The following DYNC2H1 variants were observed in gnomAD, a reference collection of about 807,000 sequenced individuals.
The protein encoded by DYNC2H1 is cytoplasmic dynein 2 heavy chain 1.
DYNC2H1 carries 410 observed loss-of-function variants against 570.0 expected under a neutral mutation model. The ratio of observed to expected loss-of-function variants is 0.72; its 90% CI spans 0.66 to 0.78. The LOEUF is 0.78. DYNC2H1 is among the 30% of genes least tolerant of loss of function. The pLI is 0.00. For synonymous variants in DYNC2H1, 1,688 were observed against 1,677.6 expected, an observed-to-expected ratio of 1.01 and a Z score of -0.15; for missense variants, 4,865 against 5,046.4, an observed-to-expected ratio of 0.96 and a Z score of 1.09.
Position 103,280,167 on chromosome 11 carries a change from C to T in DYNC2H1, c.10696-181C>T, listed in dbSNP as rs540998206. ...TGATCACTTACTTACTCTGACCCCACCCCTGACTTGAAGTGTCTCTAAGAT... is the reference window on the plus strand; with the variant it reads ...TGATCACTTACTTACTCTGACCCCATCCCTGACTTGAAGTGTCTCTAAGAT... On this transcript the variant is annotated intron_variant, in intron 70 of 88. Coordinates refer to ENST00000375735, the MANE Select transcript of DYNC2H1 (RefSeq NM_001377.3). The surrounding 1 kb of genome is among the most constrained non-coding windows in gnomAD (Gnocchi z 4.7). Among the ~76,000 whole-genome samples the T allele has an allele frequency of 1.3e-5, 2 of 152,234 alleles. No homozygotes were observed. The highest frequency in any genetic ancestry group is 6.5e-5 in the Admixed American group (1 of 15,286).
chr11:103,396,355 C>G (rs1565560827), intron 83 of DYNC2H1, among the ~76,000 whole-genome samples: 1 of 152,120 alleles, frequency 6.6e-6, no homozygotes, highest in Non-Finnish European at 1.5e-5. Flanking sequence ...CCAGTCATAC[C>G]TATTTGTTTA....
At chr11:103,121,523 G>C (rs1278926247) in intron 10 of DYNC2H1, 27 bp downstream of exon 10, 37 of 1,601,318 alleles carry the variant, frequency 2.3e-5, no homozygotes, top group Non-Finnish European at 3.2e-5. Flanking sequence ...AAGATGAAGA[G>C]TACTAATTAT....
chr11:103,390,508 G>A (rs372747366), intron 83 of DYNC2H1, among the ~76,000 whole-genome samples: 3 of 152,050 alleles, frequency 2.0e-5, no homozygotes, highest in Non-Finnish European at 2.9e-5. Context: ...TTTAAGGTTA[G>A]TATTGTTATG....
chr11:103,441,816 TA>T, intron 85 of DYNC2H1, among the ~76,000 whole-genome samples: 1 of 152,312 alleles, frequency 6.6e-6, no homozygotes, highest in African/African-American at 2.4e-5. Context: ...ATCTCAAATG[TA>T]AAAAGCAATT....
intron 83 of DYNC2H1, among the ~76,000 whole-genome samples, chr11:103,376,964 C>G (rs554415225): frequency 1.3e-5 from 2 of 152,294 alleles, no homozygotes; most frequent in South Asian, 4.1e-4. Flanking sequence ...CTCTCCTGAC[C>G]TGCAAGGTTT....
At chr11:103,274,116 ATTTG>A (rs947108991) in intron 70 of DYNC2H1, among the ~76,000 whole-genome samples, 4 of 150,848 alleles carry the variant, frequency 2.7e-5, no homozygotes, top group Admixed American at 6.6e-5. Context: ...CTGTGTGTAC[ATTTG>A]TTTGTGTGTG....
In DYNC2H1 at chr11:103,311,877, G is replaced by T; in HGVS notation, c.11494-1G>T. The T allele has an allele frequency of 6.3e-7, 1 of 1,598,636 alleles. No homozygotes were observed. Among genetic ancestry groups the T allele is most frequent in the Non-Finnish European group, 8.5e-7 (1 of 1,174,084 alleles). Reference sequence around the variant, plus strand: ...AGGATGTCTGTTGATTTTTTTTCTAGTCACCTCCAGGTTTAAAGAAGAATT... The same window carrying T: ...AGGATGTCTGTTGATTTTTTTTCTATTCACCTCCAGGTTTAAAGAAGAATT... On this transcript the variant is annotated splice_acceptor_variant, in intron 78 of 88. Transcript: ENST00000375735. LOFTEE classifies it high-confidence loss of function.
chr11:103,361,746 GAAAA>G (rs750613142), intron 83 of DYNC2H1, among the ~76,000 whole-genome samples: 12 of 151,624 alleles, frequency 7.9e-5, no homozygotes, highest in Admixed American at 6.6e-5. Context: ...GTTATTATGA[GAAAA>G]AAATTTAGAG....
At chr11:103,246,508 G>A (rs1459647362) in intron 65 of DYNC2H1, among the ~76,000 whole-genome samples, 1 of 152,006 alleles carries the variant, frequency 6.6e-6, no homozygotes, top group Non-Finnish European at 1.5e-5. Flanking sequence ...TTTATATCAT[G>A]ATTGGTTCAC....
chr11:103,258,761 G>T (rs1027356492), intron 69 of DYNC2H1, among the ~76,000 whole-genome samples: 1 of 152,308 alleles, frequency 6.6e-6, no homozygotes, highest in East Asian at 1.9e-4. Context: ...CATTTCTGCT[G>T]TATTGTACTG....
rs781091611 is a variant in DYNC2H1 at position 103,148,476 on chromosome 11, A to G, written c.2819-14A>G. On this transcript the variant is annotated splice_polypyrimidine_tract_variant and intron_variant, in intron 19 of 88. Transcript: ENST00000375735. Reference sequence around the variant, plus strand: ...AATAATTAACATTTCTTGTATTTCAATGTTACCACTCAGCTCATTTACATG... The same window carrying G: ...AATAATTAACATTTCTTGTATTTCAGTGTTACCACTCAGCTCATTTACATG... 7.1e-6 allele frequency: 11 copies of G among 1,549,848 alleles called. No homozygotes were observed. The highest frequency in any genetic ancestry group is 8.7e-6 in the Non-Finnish European group (10 of 1,146,756).
chr11:103,360,321 G>C (rs1940578564), intron 83 of DYNC2H1, among the ~76,000 whole-genome samples: 1 of 151,970 alleles, frequency 6.6e-6, no homozygotes. Context: ...AGACCGGTGG[G>C]GTTCAAATTT....
Position 103,326,626 on chromosome 11 carries a change from C to T in DYNC2H1, c.12039+2636C>T, listed in dbSNP as rs975702761. On this transcript the variant is annotated intron_variant, in intron 82 of 88. Transcript: ENST00000375735. This position sits in a 1 kb window ranked among gnomAD's most constrained non-coding sequence, Gnocchi z 6.1. ...GCAGCACTGGGGGATCTGAAGTGCC[C>T]CTAGGTTACTTGGAAAATACTCAGA... Among the ~76,000 whole-genome samples the T allele has an allele frequency of 6.6e-6, 1 of 152,282 alleles. No individual in the cohort carries two copies. The highest frequency in any genetic ancestry group is 3.4e-3 in the Middle Eastern group (1 of 294).
intron 63 of DYNC2H1, among the ~76,000 whole-genome samples, chr11:103,238,184 T>C (rs1331356553): frequency 6.6e-6 from 1 of 152,136 alleles, no homozygotes; most frequent in East Asian, 1.9e-4. Flanking sequence ...ATTAAATCTG[T>C]AAATATATAT....
Position 103,189,857 on chromosome 11 carries a change from A to G in DYNC2H1, c.7437+41A>G, listed in dbSNP as rs756899544. On this transcript the variant is annotated intron_variant, in intron 45 of 88. Transcript: ENST00000375735. The surrounding 1 kb of genome is among the most constrained non-coding windows in gnomAD (Gnocchi z 4.3). ...AATTGTAGCTTTCATGTCTATTAGT[A>G]TCATTTCTAAAGGTCTACTTTTAAT... The G allele has an allele frequency of 9.1e-6, 14 of 1,540,218 alleles. No homozygotes were observed. Among genetic ancestry groups the G allele is most frequent in the Admixed American group, 2.0e-5 (1 of 49,584 alleles).
chr11:103,133,030 G>A lies in DYNC2H1; in HGVS notation c.1954-525G>A, dbSNP rs1265815564. ...TTGCCAAGTAGGTGATGGAAGATCA[G>A]CTTTTTACTTAGTCCCACTGAAACA... On this transcript the variant is annotated intron_variant, in intron 13 of 88. Coordinates refer to ENST00000375735, the MANE Select transcript of DYNC2H1 (RefSeq NM_001377.3). The surrounding 1 kb of genome is among the most constrained non-coding windows in gnomAD (Gnocchi z 4.8). 6.6e-6 allele frequency among the ~76,000 whole-genome samples: 1 copy of A among 152,136 alleles called. No individual in the cohort carries two copies. The highest frequency in any genetic ancestry group is 6.5e-5 in the Admixed American group (1 of 15,280).
rs1945180385 is a variant in DYNC2H1, at chr11:103,465,874, T to C, written c.12649-2715T>C. Among the ~76,000 whole-genome samples the C allele has an allele frequency of 1.3e-5, 2 of 152,138 alleles. No individual in the cohort carries two copies. Among genetic ancestry groups the C allele is most frequent in the Non-Finnish European group, 2.9e-5 (2 of 68,020 alleles). ...TTGCTTAAAGTCCTACCACATTCTATTGGTCAAAGCAATTTAAAAGACCAG... is the reference window on the plus strand; with the variant it reads ...TTGCTTAAAGTCCTACCACATTCTACTGGTCAAAGCAATTTAAAAGACCAG... On this transcript the variant is annotated intron_variant, in intron 87 of 88. Coordinates refer to ENST00000375735, the MANE Select transcript of DYNC2H1 (RefSeq NM_001377.3). The surrounding 1 kb of genome is among the most constrained non-coding windows in gnomAD (Gnocchi z 4.9).
At chr11:103,314,545 T>C (rs920261684) in intron 79 of DYNC2H1, among the ~76,000 whole-genome samples, 1 of 152,076 alleles carries the variant, frequency 6.6e-6, no homozygotes, top group African/African-American at 2.4e-5. Context: ...CTGTCAATTT[T>C]TAAATGTGGA....
At chr11:103,435,863 C>A in intron 84 of DYNC2H1, 80 bp from the exon 85 acceptor site, 2 of 1,416,684 alleles carry the variant, frequency 1.4e-6, no homozygotes, top group Non-Finnish European at 2.0e-6. Flanking sequence ...CAAAATTTTT[C>A]TCCATCACAC....
Sources: gnomAD v4.1 joint callset for allele counts (sites outside exome capture counted in the v4.1 genomes callset) on GRCh38, gnomAD v4.1.1 for gene constraint, Gnocchi (gnomAD v3.1) non-coding constraint, MANE v1.5 for transcripts, NCBI Gene and HGNC (gene_info 2026-07-23, HGNC 2026-07-21) for gene names.